ME3: variants seen among roughly 807,000 people sequenced by gnomAD.
The protein encoded by ME3 is malic enzyme 3.
A neutral mutation model predicts 68.9 loss-of-function variants in ME3; 48 were observed. The ratio of observed to expected loss-of-function variants is 0.70; its 90% CI spans 0.55 to 0.89. The LOEUF (loss-of-function observed/expected upper bound fraction) is 0.89. ME3 is among the 40% of genes least tolerant of loss of function. The pLI is 0.00. For synonymous variants in ME3, 320 were observed against 318.8 expected, an observed-to-expected ratio of 1.00 and a Z score of -0.04; for missense variants, 675 against 797.4, an observed-to-expected ratio of 0.85 and a Z score of 1.85.
At chr11:86,635,927 C>G (rs1359580971) in intron 2 of ME3, among the ~76,000 whole-genome samples, 1 of 152,178 alleles carries the variant, frequency 6.6e-6, no homozygotes, top group East Asian at 1.9e-4. Flanking sequence ...GAACTGGACT[C>G]CTGGTCTTTT....
chr11:86,510,241 C>T lies in ME3; in HGVS notation c.468-1374G>A, dbSNP rs910642020. Among the ~76,000 whole-genome samples the T allele has an allele frequency of 3.9e-5, 6 of 152,220 alleles. 1 individual carries two copies. The highest frequency in any genetic ancestry group is 3.9e-4 in the Admixed American group (6 of 15,284). On this transcript the variant is annotated intron_variant, in intron 4 of 14. Transcript: ENST00000543262. ...TCTTGCAAAGGCTACCAATGACCTT[C>T]ACATTCCTAAGTGCAATGAACACTC...
intron 4 of ME3, among the ~76,000 whole-genome samples, chr11:86,535,701 T>G (rs1955604740): frequency 6.6e-6 from 1 of 152,216 alleles, no homozygotes; most frequent in South Asian, 2.1e-4. Context: ...AAAGGAATTT[T>G]TACACTTTTT....
rs1264176237 is a variant in ME3 at position 86,643,251 on chromosome 11, T to G, written c.183+28511A>C. 1.3e-5 allele frequency among the ~76,000 whole-genome samples: 2 copies of G among 152,160 alleles called. 1 individual carries two copies. Among genetic ancestry groups the G allele is most frequent in the Non-Finnish European group, 2.9e-5 (2 of 68,026 alleles). On this transcript the variant is annotated intron_variant, in intron 2 of 14. Coordinates refer to ENST00000543262, the Ensembl canonical transcript of ME3. Reference sequence around the variant, plus strand: ...AGTTCAAATCCTATAGTGTCACTCTTCAGTGTTCATCTTCAGAGCTAAGGT... The same window carrying G: ...AGTTCAAATCCTATAGTGTCACTCTGCAGTGTTCATCTTCAGAGCTAAGGT...
At chr11:86,615,931 A>G (rs1942927045) in intron 2 of ME3, among the ~76,000 whole-genome samples, 1 of 152,220 alleles carries the variant, frequency 6.6e-6, no homozygotes, top group Non-Finnish European at 1.5e-5. Context: ...AAAACTCATA[A>G]ACATCCTAAT....
chr11:86,512,573 G>A (rs185424588), intron 4 of ME3, among the ~76,000 whole-genome samples: 52 of 152,334 alleles, frequency 3.4e-4, no homozygotes, highest in African/African-American at 1.2e-3. Flanking sequence ...AAGAGAGTTG[G>A]AACAAAGGCA....
chr11:86,480,664 G>T (rs1473982280), intron 7 of ME3, among the ~76,000 whole-genome samples: 1 of 152,132 alleles, frequency 6.6e-6, no homozygotes, highest in Non-Finnish European at 1.5e-5. Flanking sequence ...TGTGTCTTTG[G>T]GGCCGAGGTA....
chr11:86,565,220 C>T (rs891351292), intron 2 of ME3, among the ~76,000 whole-genome samples: 1 of 152,052 alleles, frequency 6.6e-6, no homozygotes, highest in Admixed American at 6.6e-5. Flanking sequence ...CACACCCCCC[C>T]TAGGAAACAA....
chr11:86,462,413 G>C (rs1469396264), intron 8 of ME3, among the ~76,000 whole-genome samples: 1 of 152,194 alleles, frequency 6.6e-6, no homozygotes, highest in Admixed American at 6.5e-5. Context: ...TAGTAGCTAA[G>C]TTTCTGGAGA....
At chr11:86,638,689 G>C (rs1393894561) in intron 2 of ME3, among the ~76,000 whole-genome samples, 1 of 152,186 alleles carries the variant, frequency 6.6e-6, no homozygotes, top group Non-Finnish European at 1.5e-5. Context: ...ACTTTAAATA[G>C]CTATAATATC....
At chr11:86,628,129 G>T (rs1405399982) in intron 2 of ME3, among the ~76,000 whole-genome samples, 1 of 152,248 alleles carries the variant, frequency 6.6e-6, no homozygotes, top group Non-Finnish European at 1.5e-5. Context: ...CAAACTGAGA[G>T]AACTTATAAT....
chr11:86,505,335 A>G (rs928495961), intron 5 of ME3, among the ~76,000 whole-genome samples: 2 of 152,174 alleles, frequency 1.3e-5, no homozygotes, highest in Non-Finnish European at 2.9e-5. Context: ...AGGCAGTCCA[A>G]TCAGCTCTAG....
At position 86,620,053 on chromosome 11, in the gene ME3, TA is replaced by T. The variant is rs1469401134; in HGVS notation, c.183+51708del. On this transcript the variant is annotated intron_variant, in intron 2 of 14. Coordinates refer to ENST00000543262, the Ensembl canonical transcript of ME3. ...GTATTTTTTACACAAAAATAAATAA[TA>T]AAAAGTTACATTATCTGTTTCATAT... is the stretch of plus-strand genomic sequence containing the variant. Among the ~76,000 whole-genome samples the T allele has an allele frequency of 2.0e-5, 3 of 152,000 alleles. No homozygotes were observed. The East Asian group carries it at 5.8e-4, about 29-fold the overall frequency.
chr11:86,638,037 A>T (rs1944454565), intron 2 of ME3, among the ~76,000 whole-genome samples: 1 of 150,472 alleles, frequency 6.6e-6, no homozygotes, highest in Non-Finnish European at 1.5e-5. Flanking sequence ...TTACTATGGC[A>T]CCTGGGTATG....
intron 8 of ME3, among the ~76,000 whole-genome samples, chr11:86,454,702 GGC>G (rs1421237760): frequency 1.3e-5 from 2 of 152,174 alleles, no homozygotes; most frequent in African/African-American, 4.8e-5. Context: ...CAAGCTCTAG[GGC>G]CTGTGTGCTT....
At chr11:86,490,307 C>T (rs1262820125) in intron 6 of ME3, among the ~76,000 whole-genome samples, 2 of 152,184 alleles carry the variant, frequency 1.3e-5, no homozygotes, top group Non-Finnish European at 2.9e-5. Flanking sequence ...TCTCACTCTC[C>T]TAATCCCCTG....
intron 2 of ME3, among the ~76,000 whole-genome samples, chr11:86,588,140 A>G (rs1958847093): frequency 6.6e-6 from 1 of 152,246 alleles, no homozygotes; most frequent in Non-Finnish European, 1.5e-5. Flanking sequence ...TGAACAAGAT[A>G]GGCACAGTCT....
chr11:86,654,212 T>C (rs1945690060), intron 2 of ME3, among the ~76,000 whole-genome samples: 1 of 152,122 alleles, frequency 6.6e-6, no homozygotes, highest in Non-Finnish European at 1.5e-5. Context: ...TTCCAATCAA[T>C]AGAAAATGAG....
intron 2 of ME3, among the ~76,000 whole-genome samples, chr11:86,604,764 A>G (rs1961364120): frequency 6.6e-6 from 1 of 152,222 alleles, no homozygotes; most frequent in African/African-American, 2.4e-5. Flanking sequence ...TTGAGTAGAC[A>G]AACTTCTAGG....
rs536789003 is a variant in ME3 at position 86,565,892 on chromosome 11, A to G, written c.184-6069T>C. Among the ~76,000 whole-genome samples, 59 of 152,330 alleles carry G rather than the reference A, an allele frequency of 3.9e-4. 1 individual carries two copies. Among genetic ancestry groups the G allele is most frequent in the African/African-American group, 1.2e-3 (49 of 41,572 alleles). On this transcript the variant is annotated intron_variant, in intron 2 of 14. Coordinates refer to ENST00000543262, the Ensembl canonical transcript of ME3. ...GTCACAATCAAGCCCTGTAGAGACA[A>G]TGTTTGCTGGAAGAAGTTGCAGGAA...
Sources: gnomAD v4.1 joint callset for allele counts (sites outside exome capture counted in the v4.1 genomes callset) on GRCh38, gnomAD v4.1.1 for gene constraint, MANE v1.5 for transcripts, NCBI Gene and HGNC (gene_info 2026-07-23, HGNC 2026-07-21) for gene names.